Variants in PTCHD4 observed in about 807,000 individuals in gnomAD.
PTCHD4 encodes the protein patched domain-containing protein 4.
Under a neutral mutation model 58.1 loss-of-function variants are expected in PTCHD4, and 33 were observed. The ratio of observed to expected loss-of-function variants is 0.57; its 90% CI spans 0.43 to 0.76. The LOEUF is 0.76. Ranked by LOEUF, PTCHD4 falls within the 30% of genes least tolerant of loss-of-function variation. The probability of loss-of-function intolerance (pLI) is 0.00; values close to 1 mark genes in which losing one functional copy is unlikely to be tolerated. For synonymous variants in PTCHD4, 478 were observed against 409.6 expected (o/e 1.17, Z -2.02); for missense variants, 1,058 against 1,027.1 (o/e 1.03, Z -0.41).
intron 3 of PTCHD4, among the ~76,000 whole-genome samples, chr6:48,057,390 G>C (rs1055682311): frequency 3.3e-5 from 5 of 152,052 alleles, no homozygotes; most frequent in African/African-American, 1.2e-4. Flanking sequence ...TTTCCTTGCT[G>C]GTTATATCCT....
intron 4 of PTCHD4, among the ~76,000 whole-genome samples, chr6:47,904,934 G>T (rs140167056): frequency 0.013 from 2,024 of 152,150 alleles, 21 homozygotes; most frequent in South Asian, 0.026. Context: ...TTTGAGTTAA[G>T]ACATGAAGTG....
At chr6:47,905,926 T>C (rs935120474) in intron 4 of PTCHD4, among the ~76,000 whole-genome samples, 3 of 152,254 alleles carry the variant, frequency 2.0e-5, no homozygotes, top group African/African-American at 7.2e-5. Flanking sequence ...TTTCCCCTAC[T>C]GAGCTAGCAG....
chr6:48,060,461 T>C (rs756781260), intron 3 of PTCHD4, among the ~76,000 whole-genome samples: 3 of 152,182 alleles, frequency 2.0e-5, no homozygotes, highest in Non-Finnish European at 2.9e-5. Flanking sequence ...CCAGAACCTA[T>C]GCTCTGTCTT....
Position 47,857,519 on chromosome 6 carries a change from A to G in PTCHD4, c.*20784T>C, listed in dbSNP as rs1763332693. On this transcript the variant is annotated 3_prime_UTR_variant, in exon 5 of 5. Coordinates refer to ENST00000339488, the MANE Select transcript of PTCHD4 (RefSeq NM_001384253.1). Reference sequence around the variant, plus strand: ...AATAAATGAGGAGTCTGGGTAGTACATGAAGTAGTCACAGGTGATATCTAC... The same window carrying G: ...AATAAATGAGGAGTCTGGGTAGTACGTGAAGTAGTCACAGGTGATATCTAC... 6.6e-6 allele frequency among the ~76,000 whole-genome samples: 1 copy of G among 152,072 alleles called. No individual in the cohort carries two copies. Among genetic ancestry groups the G allele is most frequent in the Admixed American group, 6.6e-5 (1 of 15,234 alleles).
rs542913447 is a variant in PTCHD4 at position 48,105,011 on chromosome 6, T to G, written c.-970+6038A>C. ...CCCACACAATAATAATGGGAGACTT[T>G]AACAGCCCACTGTCAATATTAGACA... On this transcript the variant is annotated intron_variant, in intron 1 of 4. Transcript: ENST00000339488. Among the ~76,000 whole-genome samples the G allele has an allele frequency of 6.6e-5, 10 of 152,324 alleles. No homozygotes were observed. The East Asian group carries it at 1.9e-3, about 29-fold the overall frequency.
At chr6:48,066,730 G>A (rs562583006) in intron 3 of PTCHD4, among the ~76,000 whole-genome samples, 3 of 151,892 alleles carry the variant, frequency 2.0e-5, no homozygotes, top group African/African-American at 7.2e-5. Flanking sequence ...AACATCAAGG[G>A]GCTGCTCAGC....
chr6:47,953,943 A>G (rs1185531402), intron 4 of PTCHD4, among the ~76,000 whole-genome samples: 1 of 152,200 alleles, frequency 6.6e-6, no homozygotes, highest in Non-Finnish European at 1.5e-5. Context: ...TTCAATTTTT[A>G]AGGGGCAGTA....
At chr6:47,886,484 TA>T (rs1554149651) in intron 4 of PTCHD4, among the ~76,000 whole-genome samples, 18 of 151,156 alleles carry the variant, frequency 1.2e-4, no homozygotes, top group South Asian at 4.2e-4. Flanking sequence ...AAATAGAGGT[TA>T]AAAAAAAATA....
intron 4 of PTCHD4, among the ~76,000 whole-genome samples, chr6:47,942,271 G>A (rs1184777110): frequency 1.3e-5 from 2 of 152,098 alleles, no homozygotes; most frequent in African/African-American, 2.4e-5. Flanking sequence ...CACCATCACT[G>A]GCATAAGCTT....
intron 4 of PTCHD4, among the ~76,000 whole-genome samples, chr6:47,897,078 T>A (rs1213469364): frequency 6.6e-6 from 1 of 152,148 alleles, no homozygotes; most frequent in Non-Finnish European, 1.5e-5. Context: ...TTTCTGGTGT[T>A]CTAGTATTTT....
intron 4 of PTCHD4, among the ~76,000 whole-genome samples, chr6:47,959,380 T>A (rs150781224): frequency 5.8e-4 from 89 of 152,230 alleles, no homozygotes. Flanking sequence ...CTATAGTGAA[T>A]CAAGCTGAGA....
chr6:47,884,265 G>A (rs534797399), intron 4 of PTCHD4, among the ~76,000 whole-genome samples: 102 of 152,206 alleles, frequency 6.7e-4, no homozygotes, highest in Middle Eastern at 3.4e-3. Context: ...AATCAACCAT[G>A]GAGAGTCTGT....
intron 1 of PTCHD4, among the ~76,000 whole-genome samples, chr6:48,106,928 C>A (rs546772448): frequency 6.6e-6 from 1 of 152,112 alleles, no homozygotes; most frequent in Non-Finnish European, 1.5e-5. Flanking sequence ...GAACTACAAA[C>A]GACTGCTCAA....
intron 4 of PTCHD4, among the ~76,000 whole-genome samples, chr6:47,985,320 T>C (rs1184303666): frequency 1.3e-5 from 2 of 152,050 alleles, no homozygotes; most frequent in African/African-American, 2.4e-5. Flanking sequence ...TGATAAGTGG[T>C]ACAAGGACAA....
At position 47,875,196 on chromosome 6, in the gene PTCHD4, G is replaced by T. The variant is rs1763816062; in HGVS notation, c.*3107C>A. On this transcript the variant is annotated 3_prime_UTR_variant, in exon 5 of 5. Transcript: ENST00000339488. ...ATTTCTTCTCTTCTAGGAGTTGATT[G>T]GTCATCTGCTGACAACAGATAAGTT... Among the ~76,000 whole-genome samples the T allele has an allele frequency of 6.6e-6, 1 of 151,888 alleles. No homozygotes were observed. The highest frequency in any genetic ancestry group is 6.6e-5 in the Admixed American group (1 of 15,220).
At chr6:47,950,798 G>A (rs981715936) in intron 4 of PTCHD4, among the ~76,000 whole-genome samples, 2 of 152,116 alleles carry the variant, frequency 1.3e-5, no homozygotes, top group Non-Finnish European at 2.9e-5. Context: ...ATAGAGAAAG[G>A]ATTGGCTTTT....
At chr6:48,023,540 T>A (rs948894065) in intron 3 of PTCHD4, among the ~76,000 whole-genome samples, 5 of 152,206 alleles carry the variant, frequency 3.3e-5, no homozygotes, top group African/African-American at 1.2e-4. Context: ...AGCTTCTTGC[T>A]ATCACATATA....
chr6:47,913,919 T>G (rs1299458905), intron 4 of PTCHD4, among the ~76,000 whole-genome samples: 1 of 152,124 alleles, frequency 6.6e-6, no homozygotes, highest in Non-Finnish European at 1.5e-5. Context: ...AGGTTATCTC[T>G]GAGGTAGATA....
chr6:47,934,845 A>G (rs1337425266), intron 4 of PTCHD4, among the ~76,000 whole-genome samples: 3 of 152,210 alleles, frequency 2.0e-5, no homozygotes, highest in Non-Finnish European at 4.4e-5. Context: ...ACCCATGTCA[A>G]TTTTGAGAAG....
Sources: gnomAD v4.1 joint callset for allele counts (sites outside exome capture counted in the v4.1 genomes callset) on GRCh38, gnomAD v4.1.1 for gene constraint, MANE v1.5 for transcripts, NCBI Gene and HGNC (gene_info 2026-07-23, HGNC 2026-07-21) for gene names.